VPS41: variants seen among roughly 807,000 people sequenced by gnomAD.
The protein encoded by VPS41 is VPS41 subunit of HOPS complex.
A neutral mutation model predicts 130.9 loss-of-function variants in VPS41; 85 were observed. The ratio of observed to expected loss-of-function variants is 0.65; its 90% confidence interval spans 0.55 to 0.78. VPS41 has a LOEUF of 0.78. VPS41 is among the 30% of genes least tolerant of loss of function. The pLI is 0.00. For synonymous variants in VPS41, 335 were observed against 332.9 expected (o/e 1.01, Z -0.07); for missense variants, 874 against 1,018.7 (o/e 0.86, Z 1.93).
intron 2 of VPS41, among the ~76,000 whole-genome samples, chr7:38,878,314 T>C (rs1786533215): frequency 1.3e-5 from 2 of 152,168 alleles, no homozygotes; most frequent in Non-Finnish European, 2.9e-5. Context: ...TAAAGTACTA[T>C]CTATCTCATG....
chr7:38,828,555 A>T (rs1217085597), intron 5 of VPS41, among the ~76,000 whole-genome samples: 1 of 152,148 alleles, frequency 6.6e-6, no homozygotes, highest in East Asian at 1.9e-4. Context: ...TTATATTTTT[A>T]TCATCACCAA....
chr7:38,872,220 C>T (rs1426979312), intron 2 of VPS41, among the ~76,000 whole-genome samples: 3 of 152,266 alleles, frequency 2.0e-5, no homozygotes, highest in Admixed American at 6.5e-5. Flanking sequence ...TCACTCACTC[C>T]GGAGGAAGCC....
chr7:38,789,938 T>C, intron 9 of VPS41, 71 bp from the exon 10 acceptor site: 1 of 1,514,884 alleles, frequency 6.6e-7, no homozygotes. Flanking sequence ...ATTCAGTATA[T>C]GGTATCTTTG....
intron 10 of VPS41, among the ~76,000 whole-genome samples, chr7:38,779,517 T>C (rs1356885596): frequency 1.3e-5 from 2 of 152,130 alleles, no homozygotes; most frequent in Non-Finnish European, 2.9e-5. Flanking sequence ...AATGATATCA[T>C]GCAAAAAAGA....
Position 38,880,403 on chromosome 7 carries a change from T to C in VPS41, c.61-11150A>G, listed in dbSNP as rs1314214996. ...ACACATTTAAGTGTGAATCTTGTTA[T>C]TAGGAATGTAAAAGGAAATGCTACC... On this transcript the variant is annotated intron_variant, in intron 2 of 28. Transcript: ENST00000310301. 2.0e-5 allele frequency among the ~76,000 whole-genome samples: 3 copies of C among 152,328 alleles called. No homozygotes were observed. In the East Asian group the frequency reaches 5.8e-4, roughly 29 times the overall value.
intron 10 of VPS41, 82 bp from the exon 11 acceptor site, chr7:38,776,858 T>A: frequency 1.4e-6 from 1 of 716,486 alleles, no homozygotes; most frequent in Non-Finnish European, 2.5e-6. Flanking sequence ...TGACTGTGAA[T>A]GCTAGTGGAC....
At chr7:38,804,711 C>T (rs1784805647) in intron 7 of VPS41, among the ~76,000 whole-genome samples, 1 of 152,248 alleles carries the variant, frequency 6.6e-6, no homozygotes, top group Non-Finnish European at 1.5e-5. Context: ...TATGCAGTAT[C>T]TACCTACACA....
rs941295036 is a variant in VPS41, at chr7:38,747,935, G to A, written c.1927-2322C>T. ...GGTAAGCTGAAGTTAGGAATGACACGGAATGTAAGCAGATGAGTATCACCA... is the reference window on the plus strand; with the variant it reads ...GGTAAGCTGAAGTTAGGAATGACACAGAATGTAAGCAGATGAGTATCACCA... On this transcript the variant is annotated intron_variant, in intron 22 of 28. Transcript: ENST00000310301. Among the ~76,000 whole-genome samples the A allele has an allele frequency of 5.9e-5, 9 of 152,190 alleles. No homozygotes were observed. In the East Asian group the frequency reaches 7.7e-4, roughly 13 times the overall value.
At chr7:38,739,608 C>A (rs1795843481) in intron 25 of VPS41, among the ~76,000 whole-genome samples, 3 of 152,172 alleles carry the variant, frequency 2.0e-5, no homozygotes, top group African/African-American at 7.2e-5. Context: ...ATTCTTTGAA[C>A]CACCTGCCCC....
At chr7:38,863,483 C>G (rs1326586543) in intron 3 of VPS41, among the ~76,000 whole-genome samples, 1 of 152,116 alleles carries the variant, frequency 6.6e-6, no homozygotes, top group African/African-American at 2.4e-5. Flanking sequence ...TCAAGCAGCA[C>G]AATCTTTAAA....
At position 38,784,437 on chromosome 7, in the gene VPS41, C is replaced by A. The variant is rs138148571; in HGVS notation, c.784+5364G>T. Among the ~76,000 whole-genome samples the A allele has an allele frequency of 1.3e-3, 204 of 152,166 alleles. 1 individual carries two copies. The highest frequency in any genetic ancestry group is 3.4e-3 in the Middle Eastern group (1 of 294). On this transcript the variant is annotated intron_variant, in intron 10 of 28. Transcript: ENST00000310301. The stretch of plus-strand genomic sequence containing the variant: ...AGGATTTCTTGAGCCCAGTTTGATA[C>A]CAGCATGGGCAACAAAAGGAGACCA...
intron 9 of VPS41, among the ~76,000 whole-genome samples, chr7:38,794,607 C>A (rs1338671923): frequency 6.6e-6 from 1 of 152,096 alleles, no homozygotes; most frequent in Non-Finnish European, 1.5e-5. Context: ...GATGTGAGAA[C>A]AATTAGCACT....
intron 7 of VPS41, among the ~76,000 whole-genome samples, chr7:38,808,662 T>C (rs879077757): frequency 2.0e-5 from 3 of 152,120 alleles, no homozygotes; most frequent in Admixed American, 2.0e-4. Flanking sequence ...GGGAAGAAGT[T>C]TCAGGTAGAA....
rs1420784097 is a variant in VPS41 at position 38,776,723 on chromosome 7, G to C, written c.838C>G (p.Gln280Glu). The change falls in exon 11 of 29, where the codon CAG (glutamine) becomes GAG (glutamate). Residue 280 changes from glutamine (Q) to glutamate (E), a missense_variant. By Grantham distance (29) the Gln-to-Glu change is conservative. Coordinates refer to ENST00000310301, the MANE Select transcript of VPS41 (RefSeq NM_014396.4). ...TTTACATACGAAAGTACAACAAGCT[G>C]ATCACAGAGAGGTGCAAGTCCACTG... The part of the protein sequence containing the change: ...YISGLAPLCD[Q>E]LVVLSYVKEI... 5 of 1,612,366 alleles carry C rather than the reference G, an allele frequency of 3.1e-6. No homozygotes were observed. The highest frequency in any genetic ancestry group is 1.7e-4 in the Middle Eastern group (1 of 6,056).
At chr7:38,874,470 T>G (rs1786445416) in intron 2 of VPS41, among the ~76,000 whole-genome samples, 1 of 152,170 alleles carries the variant, frequency 6.6e-6, no homozygotes, top group Non-Finnish European at 1.5e-5. Context: ...CATCTCACTC[T>G]GTGGAGATGA....
At chr7:38,780,187 GTT>G (rs11349359) in intron 10 of VPS41, among the ~76,000 whole-genome samples, 14 of 134,790 alleles carry the variant, frequency 1.0e-4, no homozygotes, top group Admixed American at 1.5e-4. Flanking sequence ...TTTGGTTTTT[GTT>G]TTTTTTTTTT....
chr7:38,833,545 G>A (rs923985171), intron 4 of VPS41, among the ~76,000 whole-genome samples: 5 of 152,174 alleles, frequency 3.3e-5, no homozygotes, highest in Non-Finnish European at 7.3e-5. Flanking sequence ...TGCCTGGAAT[G>A]CCTTTCTGCC....
chr7:38,763,754 G>C (rs566788533), intron 16 of VPS41, among the ~76,000 whole-genome samples: 1 of 152,222 alleles, frequency 6.6e-6, no homozygotes, highest in East Asian at 1.9e-4. Flanking sequence ...ATACATGTAT[G>C]AATGAATTTA....
At chr7:38,860,608 G>C (rs955293371) in intron 4 of VPS41, among the ~76,000 whole-genome samples, 1 of 151,768 alleles carries the variant, frequency 6.6e-6, no homozygotes, top group African/African-American at 2.4e-5. Flanking sequence ...TTTTTAATTT[G>C]CTAAGAATGC....
Sources: allele counts gnomAD v4.1 joint callset (sites outside exome capture counted in the v4.1 genomes callset), GRCh38; gene constraint gnomAD v4.1.1; transcripts MANE v1.5; gene names NCBI Gene and HGNC (gene_info 2026-07-23, HGNC 2026-07-21).